DOCK3: variants seen among roughly 807,000 people sequenced by gnomAD.
The protein encoded by DOCK3 is dedicator of cytokinesis protein 3.
Under a neutral mutation model 265.6 loss-of-function variants are expected in DOCK3, and 60 were observed. The ratio of observed to expected loss-of-function variants is 0.23; its 90% CI spans 0.18 to 0.28. DOCK3 has a LOEUF of 0.28. Ranked by LOEUF, DOCK3 falls within the 10% of genes least tolerant of loss-of-function variation. The pLI is 1.00. For missense variants in DOCK3, 1,981 were observed against 2,594.3 expected, an observed-to-expected ratio of 0.76 and a Z score of 5.14; for synonymous variants, 881 against 938.0, an observed-to-expected ratio of 0.94 and a Z score of 1.11.
At chr3:51,307,849 T>TTC (rs1157444298) in intron 27 of DOCK3, among the ~76,000 whole-genome samples, 1 of 151,670 alleles carries the variant, frequency 6.6e-6, no homozygotes, top group Non-Finnish European at 1.5e-5. Flanking sequence ...ACATGGCTGC[T>TTC]TCATGCAGCT....
intron 12 of DOCK3, among the ~76,000 whole-genome samples, chr3:51,199,735 C>T (rs2088582603): frequency 6.6e-6 from 1 of 152,232 alleles, no homozygotes; most frequent in Non-Finnish European, 1.5e-5. Context: ...CAGACTGCCT[C>T]CTCAAGTGGG....
chr3:50,703,443 T>C (rs2036181932), intron 1 of DOCK3, among the ~76,000 whole-genome samples: 1 of 152,182 alleles, frequency 6.6e-6, no homozygotes, highest in African/African-American at 2.4e-5. Flanking sequence ...TGGTAGAATT[T>C]AGCAGTAAAG....
intron 9 of DOCK3, among the ~76,000 whole-genome samples, chr3:51,135,797 G>A (rs1350134104): frequency 1.3e-5 from 2 of 151,982 alleles, no homozygotes; most frequent in Non-Finnish European, 2.9e-5. Context: ...CAGCCTTGAC[G>A]TCAGCAGGCT....
intron 6 of DOCK3, among the ~76,000 whole-genome samples, chr3:51,071,553 A>G (rs2081866168): frequency 6.6e-6 from 1 of 152,172 alleles, no homozygotes. Flanking sequence ...TGGGGATAAT[A>G]ATTAAAATAA....
At chr3:51,187,017 G>T (rs1417102095) in intron 12 of DOCK3, among the ~76,000 whole-genome samples, 1 of 152,224 alleles carries the variant, frequency 6.6e-6, no homozygotes, top group Non-Finnish European at 1.5e-5. Context: ...TAGTGGAGCT[G>T]TGAGAAGAGG....
At chr3:51,101,940 G>A (rs1306104475) in intron 9 of DOCK3, among the ~76,000 whole-genome samples, 1 of 152,144 alleles carries the variant, frequency 6.6e-6, no homozygotes, top group African/African-American at 2.4e-5. Context: ...TCCAGAGTTG[G>A]GGATAAAGGA....
intron 6 of DOCK3, among the ~76,000 whole-genome samples, chr3:51,074,458 G>A (rs145016462): frequency 2.0e-5 from 3 of 152,152 alleles, no homozygotes; most frequent in Admixed American, 6.5e-5. Context: ...TCTTCTTACT[G>A]CCCCAAAGAT....
At chr3:50,767,076 C>T (rs564125194) in intron 1 of DOCK3, among the ~76,000 whole-genome samples, 10 of 152,138 alleles carry the variant, frequency 6.6e-5, no homozygotes, top group African/African-American at 2.2e-4. Context: ...GTTGCCTGTT[C>T]GCTCTGATGG....
intron 40 of DOCK3, among the ~76,000 whole-genome samples, chr3:51,353,634 A>G (rs1428580458): frequency 1.3e-5 from 2 of 152,194 alleles, no homozygotes; most frequent in Admixed American, 6.5e-5. Flanking sequence ...AAAACAATAC[A>G]GACACATGGC....
At chr3:50,928,123 G>T (rs1288106868) in intron 4 of DOCK3, among the ~76,000 whole-genome samples, 2 of 87,954 alleles carry the variant, frequency 2.3e-5, no homozygotes, top group Non-Finnish European at 4.1e-5. Context: ...TGATTTTATT[G>T]TGATGATATA....
chr3:50,715,415 G>T (rs2037041249), intron 1 of DOCK3, among the ~76,000 whole-genome samples: 2 of 152,138 alleles, frequency 1.3e-5, no homozygotes, highest in African/African-American at 4.8e-5. Flanking sequence ...GCTAGGTGTG[G>T]TGGTGCGTAT....
At chr3:50,819,476 A>G (rs1246918006) in intron 2 of DOCK3, among the ~76,000 whole-genome samples, 1 of 152,354 alleles carries the variant, frequency 6.6e-6, no homozygotes, top group East Asian at 1.9e-4. Context: ...TAGATTAGCC[A>G]AAGTTTTAAG....
rs149041699 is a variant in DOCK3, at chr3:50,940,900, T to C, written c.315+6823T>C. The stretch of plus-strand genomic sequence containing the variant: ...GGCAAAAGGAAAAAAAAACCCTGCC[T>C]AAGTATCATCCTTTTTATAAAAAGT... On this transcript the variant is annotated intron_variant, in intron 5 of 52. Transcript: ENST00000266037. 9.9e-5 allele frequency among the ~76,000 whole-genome samples: 15 copies of C among 152,272 alleles called. No individual in the cohort carries two copies. The East Asian group carries it at 2.7e-3, about 27-fold the overall frequency.
intron 12 of DOCK3, among the ~76,000 whole-genome samples, chr3:51,197,773 G>A (rs1455098433): frequency 6.6e-6 from 1 of 152,150 alleles, no homozygotes; most frequent in Non-Finnish European, 1.5e-5. Flanking sequence ...TCACAATAGA[G>A]GGTGGGGTCA....
chr3:51,134,072 C>T (rs140110609), intron 9 of DOCK3, among the ~76,000 whole-genome samples: 1 of 152,216 alleles, frequency 6.6e-6, no homozygotes, highest in African/African-American at 2.4e-5. Flanking sequence ...AGAATGATGG[C>T]TTCCAGCTCC....
intron 3 of DOCK3, among the ~76,000 whole-genome samples, chr3:50,865,766 C>A (rs1208238080): frequency 1.3e-5 from 2 of 152,184 alleles, no homozygotes; most frequent in African/African-American, 2.4e-5. Flanking sequence ...GACATTCCCA[C>A]CAACAGCATG....
At chr3:51,237,751 T>C (rs553832872) in intron 21 of DOCK3, among the ~76,000 whole-genome samples, 161 bp downstream of exon 21, 3 of 152,336 alleles carry the variant, frequency 2.0e-5, no homozygotes, top group Non-Finnish European at 4.4e-5. Context: ...ATTGACCATC[T>C]TAACCATTTT....
Position 51,208,812 on chromosome 3 carries a change from A to T in DOCK3, c.1076A>T (p.Asn359Ile). The change falls in exon 13 of 53, where the codon AAC (asparagine) becomes ATC (isoleucine). Residue 359 changes from asparagine (N) to isoleucine (I), a missense_variant. Physicochemically the swap from Asn to Ile is moderately radical, Grantham distance 149. This residue lies in a region of DOCK3 where 456 missense variants were observed against 539.0 expected (regional missense o/e 0.85). Coordinates refer to ENST00000266037, the MANE Select transcript of DOCK3 (RefSeq NM_004947.5). ...AGTGAGTGGTCCCAGATCCACGAGA[A>T]CATCATCCGAAAGTCCAGTGCCAAG... ...NESEWSQIHENIIRKSSAKYS... is the reference protein window; with the variant it reads ...NESEWSQIHEIIIRKSSAKYS... The T allele has an allele frequency of 6.2e-7, 1 of 1,612,228 alleles. No individual in the cohort carries two copies. Among genetic ancestry groups the T allele is most frequent in the Non-Finnish European group, 8.5e-7 (1 of 1,179,320 alleles).
Position 50,787,304 on chromosome 3 carries a change from G to A in DOCK3, c.121+8546G>A, listed in dbSNP as rs28651223. 546 of 432,292 alleles carry A rather than the reference G, an allele frequency of 1.3e-3. 4 individuals are homozygous for A. Among genetic ancestry groups the A allele is most frequent in the African/African-American group, 0.01 (507 of 49,370 alleles). The allele number at this position is 432,292 out of a possible 1,614,324, so 26.8% of individuals were successfully genotyped here. A position where few individuals can be genotyped will look rare whatever the true frequency, so the allele number is the denominator to read the frequency against. On this transcript the variant is annotated intron_variant, in intron 2 of 52. Coordinates refer to ENST00000266037, the MANE Select transcript of DOCK3 (RefSeq NM_004947.5). ...TAATCCCAGCACTTTGGGAGGCTGA[G>A]GCGGGCTGATCACCTGAGGTCAGGA...
Sources: allele counts gnomAD v4.1 joint callset (sites outside exome capture counted in the v4.1 genomes callset), GRCh38; gene constraint gnomAD v4.1.1; regional missense constraint gnomAD v4.1.1; transcripts MANE v1.5; gene names NCBI Gene and HGNC (gene_info 2026-07-23, HGNC 2026-07-21).